The following RSPO2 variants were observed in gnomAD, a reference collection of about 807,000 sequenced individuals.
RSPO2 encodes the protein R-spondin 2.
In RSPO2, 14 loss-of-function variants were observed where a neutral mutation model predicts 30.9. The observed-to-expected ratio is 0.45, with a 90% CI of 0.30 to 0.71. The LOEUF (loss-of-function observed/expected upper bound fraction) is 0.71. RSPO2 is among the 30% of genes least tolerant of loss of function. RSPO2 has a pLI of 0.08. For missense variants in RSPO2, 264 were observed against 301.9 expected, an observed-to-expected ratio of 0.87 and a Z score of 0.93; for synonymous variants, 107 against 96.4, an observed-to-expected ratio of 1.11 and a Z score of -0.64.
intron 2 of RSPO2, among the ~76,000 whole-genome samples, chr8:108,038,817 A>T (rs1261261752): frequency 6.6e-6 from 1 of 152,132 alleles, no homozygotes; most frequent in African/African-American, 2.4e-5. Flanking sequence ...TTATTTCGAC[A>T]TAAGGCTATT....
intron 3 of RSPO2, among the ~76,000 whole-genome samples, chr8:107,986,365 T>C (rs1419614262): frequency 4.6e-5 from 7 of 152,176 alleles, no homozygotes; most frequent in Non-Finnish European, 1.0e-4. Context: ...AACTCCAACA[T>C]TGATTGTATT....
chr8:107,989,517 T>G (rs1267684159), intron 2 of RSPO2: 3 of 358,992 alleles, frequency 8.4e-6, no homozygotes, highest in African/African-American at 2.1e-5. Context: ...CAGACAGAGG[T>G]AGAACTTAGG....
chr8:107,934,965 A>T (rs1042420649), intron 5 of RSPO2, among the ~76,000 whole-genome samples: 6 of 152,176 alleles, frequency 3.9e-5, no homozygotes. Flanking sequence ...TGATTGCGTT[A>T]TCTGCACAAA....
chr8:107,962,488 C>T (rs570106768), intron 3 of RSPO2, among the ~76,000 whole-genome samples: 26 of 151,740 alleles, frequency 1.7e-4, no homozygotes, highest in African/African-American at 4.6e-4. Flanking sequence ...AGTCCACATA[C>T]AAATCTACAC....
At chr8:108,002,483 C>T (rs957360585) in intron 2 of RSPO2, among the ~76,000 whole-genome samples, 2 of 152,166 alleles carry the variant, frequency 1.3e-5, no homozygotes, top group African/African-American at 4.8e-5. Context: ...CCCCTCCTGC[C>T]TATCCAAAAT....
At chr8:108,081,635 T>G (rs1004304635) in intron 2 of RSPO2, among the ~76,000 whole-genome samples, 1 of 152,084 alleles carries the variant, frequency 6.6e-6, no homozygotes, top group Non-Finnish European at 1.5e-5. Context: ...ATTAGTTGCA[T>G]CTCCAGCGGA....
chr8:107,995,885 A>G lies in RSPO2; in HGVS notation c.95-6641T>C, dbSNP rs558418130. Among the ~76,000 whole-genome samples the G allele has an allele frequency of 1.1e-4, 16 of 152,136 alleles. No homozygotes were observed. The South Asian group carries it at 2.3e-3, about 22-fold the overall frequency. On this transcript the variant is annotated intron_variant, in intron 2 of 5. Transcript: ENST00000276659. ...TATTGCTCAATTTTCCTGCTTTTATACTCACTATGGTATTTTGTTACACCT... is the reference window on the plus strand; with the variant it reads ...TATTGCTCAATTTTCCTGCTTTTATGCTCACTATGGTATTTTGTTACACCT...
intron 5 of RSPO2, among the ~76,000 whole-genome samples, chr8:107,913,414 A>G (rs2130281427): frequency 6.6e-6 from 1 of 152,312 alleles, no homozygotes; most frequent in African/African-American, 2.4e-5. Context: ...AACCAATGGT[A>G]TATTTTGTTA....
intron 5 of RSPO2, among the ~76,000 whole-genome samples, chr8:107,921,490 T>C (rs751027441): frequency 2.6e-5 from 4 of 152,050 alleles, no homozygotes; most frequent in Non-Finnish European, 5.9e-5. Flanking sequence ...GTACTGAAAG[T>C]AACTATCAAC....
intron 5 of RSPO2, among the ~76,000 whole-genome samples, chr8:107,901,909 G>A (rs1811485063): frequency 6.6e-6 from 1 of 152,174 alleles, no homozygotes; most frequent in African/African-American, 2.4e-5. Flanking sequence ...CCACTAGGAA[G>A]CCCAGGCTAC....
chr8:107,974,252 C>T (rs1451269386), intron 3 of RSPO2, among the ~76,000 whole-genome samples: 1 of 149,398 alleles, frequency 6.7e-6, no homozygotes, highest in East Asian at 2.0e-4. Flanking sequence ...TTTGGGAGGC[C>T]GAGGCAGGAG....
At chr8:108,028,241 C>G (rs1241707908) in intron 2 of RSPO2, among the ~76,000 whole-genome samples, 1 of 152,176 alleles carries the variant, frequency 6.6e-6, no homozygotes, top group African/African-American at 2.4e-5. Flanking sequence ...TATTTCCTTT[C>G]TCTGGCTTAT....
At chr8:107,938,555 G>A (rs747255266) in intron 5 of RSPO2, among the ~76,000 whole-genome samples, 24 of 152,120 alleles carry the variant, frequency 1.6e-4, no homozygotes, top group Admixed American at 5.9e-4. Flanking sequence ...AAATTGGGTG[G>A]CTCACCTGGT....
intron 5 of RSPO2, among the ~76,000 whole-genome samples, chr8:107,937,169 T>TTA (rs1491219807): frequency 2.0e-5 from 3 of 149,840 alleles, no homozygotes; most frequent in Admixed American, 6.7e-5. Context: ...TTTTTTTTTT[T>TTA]ATATGGGGAG....
At chr8:107,987,800 T>C (rs1393134829) in intron 3 of RSPO2, among the ~76,000 whole-genome samples, 2 of 152,194 alleles carry the variant, frequency 1.3e-5, no homozygotes, top group African/African-American at 4.8e-5. Context: ...CCTTGGTTGA[T>C]GTAATTCAAA....
chr8:108,039,376 A>T (rs79422223), intron 2 of RSPO2, among the ~76,000 whole-genome samples: 5 of 152,220 alleles, frequency 3.3e-5, no homozygotes, highest in African/African-American at 1.2e-4. Flanking sequence ...TAACTCATTT[A>T]GTATTCATAA....
intron 2 of RSPO2, among the ~76,000 whole-genome samples, chr8:108,001,089 G>T (rs1188708356): frequency 2.6e-5 from 4 of 152,140 alleles, no homozygotes; most frequent in Non-Finnish European, 5.9e-5. Context: ...CTACTCAGGA[G>T]GCTGAGGCAG....
intron 5 of RSPO2, among the ~76,000 whole-genome samples, chr8:107,922,079 T>C (rs1302919376): frequency 2.6e-5 from 4 of 152,072 alleles, no homozygotes; most frequent in African/African-American, 4.8e-5. Flanking sequence ...TTATTCAACA[T>C]AGTATTGGAA....
chr8:108,061,948 C>T (rs1393090455), intron 2 of RSPO2, among the ~76,000 whole-genome samples: 4 of 151,792 alleles, frequency 2.6e-5, no homozygotes, highest in Admixed American at 2.6e-4. Context: ...GGGTACATAA[C>T]GAAATGAAGG....
Sources: gnomAD v4.1 joint callset for allele counts (sites outside exome capture counted in the v4.1 genomes callset) on GRCh38, gnomAD v4.1.1 for gene constraint, MANE v1.5 for transcripts, NCBI Gene and HGNC (gene_info 2026-07-23, HGNC 2026-07-21) for gene names.